TM9SF4: variants seen among roughly 807,000 people sequenced by gnomAD.
TM9SF4 encodes dinucleotide oxidase disulfide thiol exchanger 3 superfamily member 4.
In TM9SF4, 26 loss-of-function variants were observed where a neutral mutation model predicts 90.4. The ratio of observed to expected loss-of-function variants is 0.29; its 90% CI spans 0.21 to 0.40. The LOEUF is 0.40. Ranked by LOEUF, TM9SF4 falls within the 10% of genes least tolerant of loss-of-function variation. TM9SF4 has a pLI of 1.00. For synonymous variants in TM9SF4, 293 were observed against 315.4 expected, an observed-to-expected ratio of 0.93 and a Z score of 0.75; for missense variants, 549 against 834.8, an observed-to-expected ratio of 0.66 and a Z score of 4.22.
In TM9SF4 at chr20:32,112,929, G is replaced by A. The variant is rs796327007; in HGVS notation, c.15+3174G>A. On this transcript the variant is annotated intron_variant, in intron 1 of 17. Coordinates refer to ENST00000398022, the MANE Select transcript of TM9SF4 (RefSeq NM_014742.4). ...AAGGTGTGGAAGCAAATTTATTACAGGGGTATGTGATGAAGGGGCAAAGTG... is the reference window on the plus strand; with the variant it reads ...AAGGTGTGGAAGCAAATTTATTACAAGGGTATGTGATGAAGGGGCAAAGTG... Among the ~76,000 whole-genome samples the A allele has an allele frequency of 4.6e-5, 7 of 152,290 alleles. No individual in the cohort carries two copies. The East Asian group carries it at 1.3e-3, about 29-fold the overall frequency.
At chr20:32,123,654 T>TTA (rs2046368961) in intron 1 of TM9SF4, among the ~76,000 whole-genome samples, 2 of 151,150 alleles carry the variant, frequency 1.3e-5, no homozygotes, top group African/African-American at 4.8e-5. Context: ...CCTTATACAT[T>TTA]TATATATACA....
intron 2 of TM9SF4, among the ~76,000 whole-genome samples, chr20:32,134,864 G>A (rs2046573117): frequency 6.6e-6 from 1 of 151,850 alleles, no homozygotes; most frequent in Non-Finnish European, 1.5e-5. Flanking sequence ...GTAGAGACGG[G>A]GTTTCACCAT....
intron 13 of TM9SF4, among the ~76,000 whole-genome samples, chr20:32,155,634 C>A (rs1396008933): frequency 1.3e-5 from 2 of 152,228 alleles, no homozygotes; most frequent in Non-Finnish European, 2.9e-5. Context: ...AGCTGGGAAT[C>A]CTGCCAGCCC....
Position 32,148,664 on chromosome 20 carries a change from T to C in TM9SF4, c.955-970T>C, listed in dbSNP as rs1057294049. Among the ~76,000 whole-genome samples, 15 of 85,252 alleles carry C rather than the reference T, an allele frequency of 1.8e-4. 1 individual carries two copies. The East Asian group carries it at 4.1e-3, about 23-fold the overall frequency. 55.9% of individuals were successfully genotyped at this position (85,252 alleles called of 152,430 possible). A position where few individuals can be genotyped will look rare whatever the true frequency, so the allele number is the denominator to read the frequency against. On this transcript the variant is annotated intron_variant, in intron 9 of 17. Coordinates refer to ENST00000398022, the MANE Select transcript of TM9SF4 (RefSeq NM_014742.4). ...AGACTTGGTATAGAAATATTACAGCTTTTTTTTTTTTTTTTTTTTTTTAAG... is the reference window on the plus strand; with the variant it reads ...AGACTTGGTATAGAAATATTACAGCCTTTTTTTTTTTTTTTTTTTTTTAAG...
At chr20:32,140,775 G>A (rs2046662167) in intron 3 of TM9SF4, among the ~76,000 whole-genome samples, 1 of 152,188 alleles carries the variant, frequency 6.6e-6, no homozygotes, top group Non-Finnish European at 1.5e-5. Context: ...ACACAGGGCA[G>A]TCAGGGGAGG....
chr20:32,153,685 G>A lies in TM9SF4; in HGVS notation c.1246-1418G>A, dbSNP rs576654736. The stretch of plus-strand genomic sequence containing the variant: ...CTTGAGCCCAGGAGTTTGAGGCTGC[G>A]GTGAGCTATGATTGCACCACTGCAC... On this transcript the variant is annotated intron_variant, in intron 12 of 17. Coordinates refer to ENST00000398022, the MANE Select transcript of TM9SF4 (RefSeq NM_014742.4). Among the ~76,000 whole-genome samples, 22 of 152,288 alleles carry A rather than the reference G, an allele frequency of 1.4e-4. No homozygotes were observed. In the South Asian group the frequency reaches 3.3e-3, roughly 23 times the overall value.
chr20:32,141,820 C>G lies in TM9SF4; in HGVS notation c.453C>G (p.Asp151Glu). Residue 151 changes from aspartate (D) to glutamate (E), a missense_variant, in exon 5 of 18, where the codon GAC (aspartate) becomes GAG (glutamate). By Grantham distance (45) the Asp-to-Glu change is conservative (BLOSUM62 2). Coordinates refer to ENST00000398022, the MANE Select transcript of TM9SF4 (RefSeq NM_014742.4). Reference protein sequence around the residue: ...ATRLELYSNRDSDDKKKEKDV... With the variant: ...ATRLELYSNRESDDKKKEKDV... ...GGCTGGAGCTCTACTCCAACCGAGA[C>G]AGCGATGACAAGAAGAAGGAAAAAG... 4 of 1,614,102 alleles carry G rather than the reference C, an allele frequency of 2.5e-6. No individual in the cohort carries two copies. The highest frequency in any genetic ancestry group is 3.4e-6 in the Non-Finnish European group (4 of 1,180,032).
intron 1 of TM9SF4, among the ~76,000 whole-genome samples, chr20:32,117,631 A>T (rs1236445595): frequency 1.2e-5 from 1 of 80,196 alleles, no homozygotes; most frequent in Non-Finnish European, 2.6e-5. Context: ...TGCCCAACCC[A>T]CCCCCGCCCC....
intron 1 of TM9SF4, among the ~76,000 whole-genome samples, chr20:32,125,041 CCT>C (rs1171160726): frequency 6.6e-6 from 1 of 152,152 alleles, no homozygotes; most frequent in Non-Finnish European, 1.5e-5. Context: ...GGTCATGAGA[CCT>C]CTGATTCAAC....
In TM9SF4 at chr20:32,132,158, C is replaced by T. The variant is rs563315749; in HGVS notation, c.16-855C>T. ...GTAGCTCACACTTGTAATCTCGGCA[C>T]TTTGGGAGGCCGAGGTGGGCAGATC... On this transcript the variant is annotated intron_variant, in intron 1 of 17. Coordinates refer to ENST00000398022, the MANE Select transcript of TM9SF4 (RefSeq NM_014742.4). 3.3e-5 allele frequency among the ~76,000 whole-genome samples: 5 copies of T among 152,212 alleles called. No homozygotes were observed. In the South Asian group the frequency reaches 1.0e-3, roughly 32 times the overall value.
chr20:32,157,894 A>G lies in TM9SF4; in HGVS notation c.1430A>G (p.Tyr477Cys). ...GYYFGFRKQP[Y>C]DNPVRTNQIP... ...TACTTCGGCTTCCGAAAGCAGCCAT[A>G]TGACAACCCTGTGCGCACCAACCAG... The change falls in exon 14 of 18, where the codon TAT becomes TGT. Residue 477 changes from tyrosine to cysteine, a missense_variant. By Grantham distance (194) the Tyr-to-Cys change is radical. Coordinates refer to ENST00000398022, the MANE Select transcript of TM9SF4 (RefSeq NM_014742.4). 1 of 1,614,112 alleles carries G rather than the reference A, an allele frequency of 6.2e-7. No homozygotes were observed. Among genetic ancestry groups the G allele is most frequent in the Non-Finnish European group, 8.5e-7 (1 of 1,180,012 alleles).
At chr20:32,134,573 C>G (rs2046568137) in intron 2 of TM9SF4, among the ~76,000 whole-genome samples, 1 of 152,148 alleles carries the variant, frequency 6.6e-6, no homozygotes, top group Non-Finnish European at 1.5e-5. Flanking sequence ...TTGCATTTCT[C>G]TGCACAAATA....
At chr20:32,150,519 T>C (rs1425394237) in intron 10 of TM9SF4, 103 bp from the exon 11 acceptor site, 1 of 1,371,262 alleles carries the variant, frequency 7.3e-7, no homozygotes, top group African/African-American at 1.4e-5. Context: ...AGAGTCCTCC[T>C]GTCAGCCTGT....
intron 16 of TM9SF4, among the ~76,000 whole-genome samples, chr20:32,160,928 C>T (rs546226520): frequency 7.4e-4 from 79 of 106,370 alleles, no homozygotes; most frequent in Non-Finnish European, 1.0e-3. Flanking sequence ...CCATCCTGGG[C>T]GACAGAGTGA....
chr20:32,154,549 G>A (rs1242908518), intron 12 of TM9SF4, among the ~76,000 whole-genome samples: 4 of 152,182 alleles, frequency 2.6e-5, no homozygotes, highest in African/African-American at 9.7e-5. Context: ...TGCCTCCCGG[G>A]TTCAAGCAAT....
At chr20:32,147,545 CTT>C (rs1007780795) in intron 9 of TM9SF4, among the ~76,000 whole-genome samples, 7 of 152,126 alleles carry the variant, frequency 4.6e-5, no homozygotes, top group Non-Finnish European at 7.4e-5. Flanking sequence ...TGCAAAATCT[CTT>C]TGTTTTAAAA....
Position 32,141,502 on chromosome 20 carries a change from G to T in TM9SF4, c.235G>T (p.Val79Leu). The T allele has an allele frequency of 1.9e-6, 3 of 1,614,052 alleles. No individual in the cohort carries two copies. The highest frequency in any genetic ancestry group is 2.5e-6 in the Non-Finnish European group (3 of 1,179,994). The change falls in exon 4 of 18, where the codon GTG (valine) becomes TTG (leucine). Residue 79 changes from valine to leucine, a missense_variant. Around this residue, in one of 2 missense-constraint regions of TM9SF4, gnomAD observed 495 missense variants for 711.7 expected, o/e 0.70. Transcript: ENST00000398022. ...ITYKAENLGE[V>L]LRGDRIVNTP... ...ATCTGTCTCTCTTACGGCAGGAGAG[G>T]TGCTGAGAGGGGACCGGATTGTCAA...
At chr20:32,123,866 A>T (rs57142579) in intron 1 of TM9SF4, among the ~76,000 whole-genome samples, 14,349 of 94,224 alleles carry the variant, frequency 0.15, 2,248 homozygotes, top group African/African-American at 0.42. Flanking sequence ...ATATATATAT[A>T]TTTTTTTTTT....
intron 1 of TM9SF4, among the ~76,000 whole-genome samples, chr20:32,121,265 G>C (rs1313733387): frequency 6.7e-6 from 1 of 150,158 alleles, no homozygotes; most frequent in Non-Finnish European, 1.5e-5. Flanking sequence ...GATTTGGCAG[G>C]GTCATAGGAC....
Sources: gnomAD v4.1 joint callset for allele counts (sites outside exome capture counted in the v4.1 genomes callset) on GRCh38, gnomAD v4.1.1 for gene constraint, gnomAD v4.1.1 regional missense constraint, MANE v1.5 for transcripts, NCBI Gene and HGNC (gene_info 2026-07-23, HGNC 2026-07-21) for gene names.